The following CIBAR2 variants were observed in gnomAD, a reference collection of about 807,000 sequenced individuals.
CIBAR2 encodes the protein CBY1-interacting BAR domain-containing protein 2.
Under a neutral mutation model 36.2 loss-of-function variants are expected in CIBAR2, and 38 were observed. The observed-to-expected ratio is 1.05, with a 90% CI of 0.81 to 1.38. The LOEUF (loss-of-function observed/expected upper bound fraction) is 1.38. Ranked by LOEUF, CIBAR2 falls within the 40% of genes most tolerant of loss-of-function variation. The pLI, the probability that CIBAR2 is intolerant of heterozygous loss-of-function variation, is 0.00. For missense variants in CIBAR2, 481 were observed against 383.4 expected, an observed-to-expected ratio of 1.25 and a Z score of -2.13; for synonymous variants, 182 against 149.5, an observed-to-expected ratio of 1.22 and a Z score of -1.58.
chr16:85,100,829 T>C (rs28661932), intron 7 of CIBAR2, among the ~76,000 whole-genome samples: 93,851 of 151,958 alleles, frequency 0.62, 29,787 homozygotes, highest in African/African-American at 0.76. Context: ...GGGCAGATCA[T>C]GAGGTCAGGA....
chr16:85,110,892 A>T (rs147840617), intron 1 of CIBAR2, among the ~76,000 whole-genome samples: 2,481 of 152,010 alleles, frequency 0.016, 70 homozygotes, highest in African/African-American at 0.057. Context: ...TTTAGTAGAG[A>T]CAGGGTTTCA....
In CIBAR2 at chr16:85,099,089, C is replaced by G; in HGVS notation, c.*96G>C. On this transcript the variant is annotated 3_prime_UTR_variant, in exon 9 of 9. Coordinates refer to ENST00000539556, the MANE Select transcript of CIBAR2 (RefSeq NM_198491.3). ...AGGTCTTTGAATTAACACAATCCAA[C>G]AAAGACAAAGAAAAAAGAATCAGAA... is the stretch of plus-strand genomic sequence containing the variant. 1 of 1,393,096 alleles carries G rather than the reference C, an allele frequency of 7.2e-7. No homozygotes were observed. Among genetic ancestry groups the G allele is most frequent in the Non-Finnish European group, 9.4e-7 (1 of 1,059,230 alleles). 86.3% of individuals were successfully genotyped at this position (1,393,096 alleles called of 1,614,324 possible). A position where few individuals can be genotyped will look rare whatever the true frequency, so the allele number is the denominator to read the frequency against.
At chr16:85,105,578 G>C in intron 5 of CIBAR2, 147 bp from the exon 6 acceptor site, 1 of 618,826 alleles carries the variant, frequency 1.6e-6, no homozygotes, top group South Asian at 1.9e-5. Context: ...GGTCATCAAA[G>C]GAATGGCTGA....
intron 5 of CIBAR2, among the ~76,000 whole-genome samples, chr16:85,105,734 C>G (rs2073991137): frequency 6.6e-6 from 1 of 152,182 alleles, no homozygotes; most frequent in South Asian, 2.1e-4. Context: ...CTTAGCAGGG[C>G]TGTTGTAGAA....
Position 85,112,344 on chromosome 16 carries a change from G to A in CIBAR2, c.9C>T (p.Ile3=), listed in dbSNP as rs202092569. Residue 3 remains isoleucine (I), a synonymous_variant, in exon 1 of 9, where the codon ATC becomes ATT. Coordinates refer to ENST00000539556, the MANE Select transcript of CIBAR2 (RefSeq NM_198491.3). The part of the protein sequence containing the change: MN[I]VFSRDSQVRV... ...GCTGGCCCACTCACCTGGAGAAGAC[G>A]ATGTTCATTGTGACCAGAGCTTTGG... The A allele has an allele frequency of 2.4e-5, 39 of 1,613,994 alleles. No individual in the cohort carries two copies. The highest frequency in any genetic ancestry group is 1.7e-4 in the Middle Eastern group (1 of 6,054).
chr16:85,111,958 G>C (rs886127824), intron 1 of CIBAR2, among the ~76,000 whole-genome samples: 7 of 152,254 alleles, frequency 4.6e-5, no homozygotes, highest in Non-Finnish European at 7.3e-5. Flanking sequence ...CAGGTTGTGA[G>C]AGCAGGGATG....
chr16:85,104,458 A>C (rs1425707229), intron 6 of CIBAR2, among the ~76,000 whole-genome samples: 2 of 152,220 alleles, frequency 1.3e-5, no homozygotes, highest in African/African-American at 4.8e-5. Flanking sequence ...CTATAATCCC[A>C]GCACTTTAGG....
intron 2 of CIBAR2, 113 bp from the exon 3 acceptor site, chr16:85,108,212 G>C (rs2074013106): frequency 7.9e-6 from 8 of 1,011,820 alleles, no homozygotes; most frequent in Non-Finnish European, 1.0e-5. Context: ...CTGTGCGGCG[G>C]GAGGTGGAGC....
At chr16:85,103,781 C>T (rs184060489) in intron 6 of CIBAR2, among the ~76,000 whole-genome samples, 179 of 152,332 alleles carry the variant, frequency 1.2e-3, no homozygotes, top group African/African-American at 3.9e-3. Flanking sequence ...GGCCCTGGAC[C>T]CTGGTGGCTG....
intron 5 of CIBAR2, among the ~76,000 whole-genome samples, chr16:85,106,720 C>T (rs1182177589): frequency 2.0e-5 from 3 of 152,188 alleles, no homozygotes; most frequent in African/African-American, 7.2e-5. Flanking sequence ...CCTCTAACCT[C>T]CTGAACGGTG....
chr16:85,099,769 A>G (rs1309060075), intron 8 of CIBAR2, among the ~76,000 whole-genome samples: 2 of 144,960 alleles, frequency 1.4e-5, no homozygotes, highest in South Asian at 2.2e-4. Flanking sequence ...GATTACAGGC[A>G]TACACCACCA....
At chr16:85,108,720 A>G (rs1466962134) in intron 2 of CIBAR2, among the ~76,000 whole-genome samples, 2 of 151,920 alleles carry the variant, frequency 1.3e-5, no homozygotes, top group African/African-American at 4.8e-5. Flanking sequence ...TAAAAATACA[A>G]AAAATTAGCT....
intron 1 of CIBAR2, among the ~76,000 whole-genome samples, chr16:85,110,721 TGGAGACAGA>T (rs2074036059): frequency 1.0e-5 from 1 of 98,112 alleles, no homozygotes; most frequent in Non-Finnish European, 2.2e-5. Context: ...TTTTTTTTTT[TGGAGACAGA>T]GTCTTGCTCT....
At chr16:85,106,970 AC>A (rs2074000699) in intron 5 of CIBAR2, among the ~76,000 whole-genome samples, 1 of 151,944 alleles carries the variant, frequency 6.6e-6, no homozygotes, top group Admixed American at 6.6e-5. Flanking sequence ...ACATGGCAAA[AC>A]CCCGTCTCTG....
Position 85,099,107 on chromosome 16 carries a change from A to C in CIBAR2, c.*78T>G, listed in dbSNP as rs2073933213. ...AATCCAACAAAGACAAAGAAAAAAG[A>C]ATCAGAAAATAAGAACAAAGCCTCC... On this transcript the variant is annotated 3_prime_UTR_variant, in exon 9 of 9. Coordinates refer to ENST00000539556, the MANE Select transcript of CIBAR2 (RefSeq NM_198491.3). 7.0e-7 allele frequency: 1 copy of C among 1,428,200 alleles called. No homozygotes were observed. Among genetic ancestry groups the C allele is most frequent in the Non-Finnish European group, 9.2e-7 (1 of 1,083,618 alleles). The allele number at this position is 1,428,200 out of a possible 1,614,324, so 88.5% of individuals were successfully genotyped here. A position where few individuals can be genotyped will look rare whatever the true frequency, so the allele number is the denominator to read the frequency against.
At chr16:85,112,216 C>A in intron 1 of CIBAR2, 117 bp downstream of exon 1, 5 of 837,034 alleles carry the variant, frequency 6.0e-6, no homozygotes, top group Non-Finnish European at 8.0e-6. Flanking sequence ...GAGCTCCCCT[C>A]ACCCCCAACC....
chr16:85,099,093 G>A lies in CIBAR2; in HGVS notation c.*92C>T, dbSNP rs1304797777. ...CTTTGAATTAACACAATCCAACAAA[G>A]ACAAAGAAAAAAGAATCAGAAAATA... On this transcript the variant is annotated 3_prime_UTR_variant, in exon 9 of 9. Transcript: ENST00000539556. 1 of 1,401,258 alleles carries A rather than the reference G, an allele frequency of 7.1e-7. No homozygotes were observed. Among genetic ancestry groups the A allele is most frequent in the Non-Finnish European group, 9.4e-7 (1 of 1,064,510 alleles). The allele number at this position is 1,401,258 out of a possible 1,614,324, so 86.8% of individuals were successfully genotyped here.
Position 85,112,361 on chromosome 16 carries a change from G to T in CIBAR2, c.-9C>A. 6.2e-7 allele frequency: 1 copy of T among 1,613,990 alleles called. No individual in the cohort carries two copies. The highest frequency in any genetic ancestry group is 2.2e-5 in the East Asian group (1 of 44,880). ...GAGAAGACGATGTTCATTGTGACCA[G>T]AGCTTTGGCTGTCCCGGTGCTGGGG... On this transcript the variant is annotated 5_prime_UTR_variant, in exon 1 of 9. The change creates a new upstream start codon in the 5' untranslated region. Transcript: ENST00000539556.
At chr16:85,099,773 A>G (rs903259733) in intron 8 of CIBAR2, among the ~76,000 whole-genome samples, 8 of 135,048 alleles carry the variant, frequency 5.9e-5, no homozygotes, top group African/African-American at 1.7e-4. Context: ...ACAGGCATAC[A>G]CCACCACACC....
Sources: gnomAD v4.1 joint callset for allele counts (sites outside exome capture counted in the v4.1 genomes callset) on GRCh38, gnomAD v4.1.1 for gene constraint, MANE v1.5 for transcripts, NCBI Gene and HGNC (gene_info 2026-07-23, HGNC 2026-07-21) for gene names.